Variants in LHX8 observed in about 807,000 individuals in gnomAD.
LHX8 encodes the protein LIM/homeobox protein Lhx8.
A neutral mutation model predicts 40.3 loss-of-function variants in LHX8; 12 were observed. That is an observed-to-expected ratio of 0.30 (90% CI 0.19 to 0.48). The LOEUF (loss-of-function observed/expected upper bound fraction) is 0.48. Among genes scored for constraint, LHX8 ranks in the 20% least tolerant of loss-of-function variants. The probability of loss-of-function intolerance (pLI) is 0.99; values close to 1 mark genes in which losing one functional copy is unlikely to be tolerated. For missense variants in LHX8, 344 were observed against 433.7 expected, an observed-to-expected ratio of 0.79 and a Z score of 1.84; for synonymous variants, 179 against 162.0, an observed-to-expected ratio of 1.10 and a Z score of -0.80.
At chr1:75,172,923 T>G in the LHX8 span, among the ~76,000 whole-genome samples, 26 of 152,266 alleles carry the variant, frequency 1.7e-4, no homozygotes, top group African/African-American at 6.3e-4. Context: ...TGCTCCCAAG[T>G]CTTCATGACA....
At chr1:75,197,229 A>C in the LHX8 span, among the ~76,000 whole-genome samples, 5 of 152,162 alleles carry the variant, frequency 3.3e-5, no homozygotes, top group Admixed American at 3.3e-4. Context: ...CCATTAACTT[A>C]ACATTTACTT....
intron 7 of LHX8, 148 bp from the exon 8 acceptor site, chr1:75,156,745 A>G: frequency 1.3e-6 from 1 of 777,582 alleles, no homozygotes; most frequent in South Asian, 1.4e-5. Context: ...TTTTCTGTCT[A>G]TAGAACTTTT....
chr1:75,188,046 A>G, the LHX8 span, among the ~76,000 whole-genome samples: 4 of 152,146 alleles, frequency 2.6e-5, no homozygotes, highest in Non-Finnish European at 5.9e-5. Context: ...CCTTCCTTCT[A>G]CATGGAAGGG....
At chr1:75,136,200 T>C (rs948277699) in intron 1 of LHX8, among the ~76,000 whole-genome samples, 2 of 151,990 alleles carry the variant, frequency 1.3e-5, no homozygotes, top group African/African-American at 4.8e-5. Flanking sequence ...TCTCTCGCAC[T>C]CCACCTCCCA....
In LHX8 at chr1:75,143,896, A is replaced by C; in HGVS notation, c.632A>C (p.His211Pro). The C allele has an allele frequency of 3.1e-6, 5 of 1,613,502 alleles. No homozygotes were observed. Among genetic ancestry groups the C allele is most frequent in the Non-Finnish European group, 4.2e-6 (5 of 1,179,526 alleles). The change falls in exon 6 of 9, where the codon CAT becomes CCT. Residue 211 changes from histidine (H) to proline (P), a missense_variant. Coordinates refer to ENST00000356261, the MANE Select transcript of LHX8 (RefSeq NM_001256114.2). ...GALLTEQDVN[H>P]PKPAKRARTS... Reference sequence around the variant, plus strand: ...CTCCTCACAGAGCAAGATGTTAACCATCCAAAACCAGCAAAAAGAGCTCGG... The same window carrying C: ...CTCCTCACAGAGCAAGATGTTAACCCTCCAAAACCAGCAAAAAGAGCTCGG...
chr1:75,134,886 C>G lies in LHX8; in HGVS notation c.-81C>G. ...ATTGCACTCCCTCCCCAAAAGCTCA[C>G]TTAACCTGAGACATGGAGACTGTAA... is the stretch of plus-strand genomic sequence containing the variant. On this transcript the variant is annotated 5_prime_UTR_variant, in exon 1 of 9. Coordinates refer to ENST00000356261, the MANE Select transcript of LHX8 (RefSeq NM_001256114.2). The G allele has an allele frequency of 3.0e-6, 3 of 985,038 alleles. No individual in the cohort carries two copies. Among genetic ancestry groups the G allele is most frequent in the Non-Finnish European group, 2.4e-6 (2 of 829,660 alleles). 61.0% of individuals were successfully genotyped at this position (985,038 alleles called of 1,614,324 possible).
the LHX8 span, among the ~76,000 whole-genome samples, chr1:75,171,921 G>C: frequency 6.6e-6 from 1 of 152,184 alleles, no homozygotes; most frequent in Non-Finnish European, 1.5e-5. Context: ...TATACTGAAT[G>C]CTTAGCCAAC....
upstream of LHX8, chr1:75,131,762 T>G (rs900936776): frequency 2.0e-5 from 3 of 152,262 alleles, no homozygotes; most frequent in African/African-American, 4.8e-5. Flanking sequence ...AAGGCTTCCC[T>G]TAAGCAGGAG....
At chr1:75,145,846 A>G (rs1005152423) in intron 6 of LHX8, among the ~76,000 whole-genome samples, 1 of 152,160 alleles carries the variant, frequency 6.6e-6, no homozygotes, top group African/African-American at 2.4e-5. Context: ...TGTAAATGTG[A>G]TCTAAATCAT....
chr1:75,184,812 C>G, the LHX8 span, among the ~76,000 whole-genome samples: 2 of 145,394 alleles, frequency 1.4e-5, no homozygotes, highest in African/African-American at 2.5e-5. Flanking sequence ...ATGAATAAAT[C>G]CAGCAGCTGT....
rs1197803184 is a variant in LHX8, at chr1:75,137,119, G to C, written c.95G>C (p.Gly32Ala). The C allele has an allele frequency of 6.2e-7, 1 of 1,607,504 alleles. No homozygotes were observed. The highest frequency in any genetic ancestry group is 1.7e-5 in the Admixed American group (1 of 59,884). Residue 32 changes from glycine (G) to alanine (A), a missense_variant, in exon 3 of 9, where the codon GGG becomes GCG. Gly to Ala is a moderately conservative substitution (Grantham distance 60, BLOSUM62 0). Around this residue, in one of 3 missense-constraint regions of LHX8, gnomAD observed 108 missense variants for 90.1 expected, o/e 1.20. Coordinates refer to ENST00000356261, the MANE Select transcript of LHX8 (RefSeq NM_001256114.2). The part of the protein sequence containing the change: ...EEGLVSPEGA[G>A]DEDSCSSSAP... The stretch of plus-strand genomic sequence containing the variant: ...CTGCAGGTGAGCCCCGAGGGAGCGG[G>C]GGACGAGGACTCGTGCTCCTCCTCG...
chr1:75,139,078 A>G (rs1223347037), intron 3 of LHX8, among the ~76,000 whole-genome samples: 4 of 152,144 alleles, frequency 2.6e-5, no homozygotes, highest in Non-Finnish European at 5.9e-5. Context: ...CTAGTATAGA[A>G]ATATTATTTT....
At position 75,161,051 on chromosome 1, in the gene LHX8, G is replaced by T. The variant is rs1378657419; in HGVS notation, c.*156G>T. 3.1e-5 allele frequency: 19 copies of T among 612,558 alleles called. No individual in the cohort carries two copies. In the East Asian group the frequency reaches 5.4e-4, roughly 17 times the overall value. The allele number at this position is 612,558 out of a possible 1,614,324, so 37.9% of individuals were successfully genotyped here. A position where few individuals can be genotyped will look rare whatever the true frequency, so the allele number is the denominator to read the frequency against. On this transcript the variant is annotated 3_prime_UTR_variant, in exon 9 of 9. Transcript: ENST00000356261. ...CCAGGTATGTATCTATAGTTGGCCT[G>T]CAAGACACTTTTATTAATTCTTCAT...
At chr1:75,155,784 G>GT (rs1570304289) in intron 7 of LHX8, among the ~76,000 whole-genome samples, 1 of 152,066 alleles carries the variant, frequency 6.6e-6, no homozygotes, top group South Asian at 2.1e-4. Context: ...AATATTATGA[G>GT]TTTTTTTCTT....
In LHX8 at chr1:75,134,493, T is replaced by C. The variant is rs1648061420; in HGVS notation, c.-474T>C. ...CGGCCTCTTTGGACGAAGACACACTTGTAGCATTATCCTTCTCGGCATCAG... is the reference window on the plus strand; with the variant it reads ...CGGCCTCTTTGGACGAAGACACACTCGTAGCATTATCCTTCTCGGCATCAG... On this transcript the variant is annotated 5_prime_UTR_variant, in exon 1 of 9. Transcript: ENST00000356261. Among the ~76,000 whole-genome samples, 2 of 151,008 alleles carry C rather than the reference T, an allele frequency of 1.3e-5. No homozygotes were observed. The highest frequency in any genetic ancestry group is 2.9e-5 in the Non-Finnish European group (2 of 67,840).
chr1:75,181,547 A>G, the LHX8 span, among the ~76,000 whole-genome samples: 10 of 152,272 alleles, frequency 6.6e-5, no homozygotes, highest in Admixed American at 3.9e-4. Flanking sequence ...TGCTAAGACC[A>G]TTGGAAAAGC....
intron 7 of LHX8, among the ~76,000 whole-genome samples, chr1:75,155,832 G>C (rs1447714211): frequency 6.6e-6 from 1 of 152,020 alleles, no homozygotes; most frequent in Admixed American, 6.6e-5. Context: ...TTAGGGAATA[G>C]CCTATGTATT....
At chr1:75,195,986 T>G in the LHX8 span, among the ~76,000 whole-genome samples, 10 of 152,210 alleles carry the variant, frequency 6.6e-5, no homozygotes, top group Admixed American at 6.5e-4. Flanking sequence ...AGATAGAGTC[T>G]GTGCCTTCAT....
At chr1:75,149,845 G>A (rs1374638273) in intron 7 of LHX8, among the ~76,000 whole-genome samples, 1 of 152,130 alleles carries the variant, frequency 6.6e-6, no homozygotes, top group Admixed American at 6.6e-5. Flanking sequence ...ACCATGCCCA[G>A]CTGAGAAACA....
Sources: gnomAD v4.1 joint callset for allele counts (sites outside exome capture counted in the v4.1 genomes callset) on GRCh38, gnomAD v4.1.1 for gene constraint, gnomAD v4.1.1 regional missense constraint, MANE v1.5 for transcripts, NCBI Gene and HGNC (gene_info 2026-07-23, HGNC 2026-07-21) for gene names.